The following PSEN1 variants were observed in gnomAD, a reference collection of about 807,000 sequenced individuals.
PSEN1 encodes presenilin 1.
In PSEN1, 15 loss-of-function variants were observed where a neutral mutation model predicts 53.5. The ratio of observed to expected loss-of-function variants is 0.28; its 90% CI spans 0.19 to 0.43. PSEN1 has a LOEUF of 0.43. Among genes scored for constraint, PSEN1 ranks in the 20% least tolerant of loss-of-function variants. The pLI is 1.00. For synonymous variants in PSEN1, 208 were observed against 209.8 expected, an observed-to-expected ratio of 0.99 and a Z score of 0.08; for missense variants, 387 against 571.2, an observed-to-expected ratio of 0.68 and a Z score of 3.29.
intron 5 of PSEN1, among the ~76,000 whole-genome samples, chr14:73,185,425 G>A (rs548150697): frequency 4.6e-5 from 7 of 152,224 alleles, no homozygotes; most frequent in Non-Finnish European, 1.0e-4. Flanking sequence ...CCAACACAGC[G>A]AAACCCCGTC....
At chr14:73,199,256 T>C (rs1026680852) in intron 8 of PSEN1, among the ~76,000 whole-genome samples, 1 of 151,822 alleles carries the variant, frequency 6.6e-6, no homozygotes, top group African/African-American at 2.4e-5. Context: ...TAGCAGAGAG[T>C]TGGTAGTTAA....
At chr14:73,175,480 A>G (rs1453369130) in intron 5 of PSEN1, among the ~76,000 whole-genome samples, 1 of 148,452 alleles carries the variant, frequency 6.7e-6, no homozygotes, top group East Asian at 1.9e-4. Flanking sequence ...ATCTCTACCA[A>G]AAAAAAAAAA....
intron 3 of PSEN1, among the ~76,000 whole-genome samples, chr14:73,150,044 G>T (rs775130003): frequency 6.6e-6 from 1 of 152,054 alleles, no homozygotes; most frequent in African/African-American, 2.4e-5. Context: ...AGTTGTGTTT[G>T]TTTTTTTAGC....
chr14:73,208,841 G>A (rs1899560183), intron 9 of PSEN1: 2 of 454,878 alleles, frequency 4.4e-6, no homozygotes, highest in African/African-American at 2.0e-5. Context: ...TCTGCCTCCT[G>A]CTGCCATCAA....
intron 9 of PSEN1, among the ~76,000 whole-genome samples, chr14:73,209,989 ACTC>A (rs949261258): frequency 6.6e-6 from 1 of 151,720 alleles, no homozygotes; most frequent in Non-Finnish European, 1.5e-5. Context: ...ATAATCAAAA[ACTC>A]CTCCATCCTA....
intron 3 of PSEN1, among the ~76,000 whole-genome samples, chr14:73,166,560 T>A (rs1446508667): frequency 6.6e-6 from 1 of 152,246 alleles, no homozygotes; most frequent in Non-Finnish European, 1.5e-5. Context: ...AATCAAGTTG[T>A]TCAGACTTGT....
intron 5 of PSEN1, among the ~76,000 whole-genome samples, chr14:73,184,426 G>A (rs1462671351): frequency 1.9e-5 from 2 of 107,954 alleles, no homozygotes; most frequent in African/African-American, 6.6e-5. Flanking sequence ...CGGGGCGGCT[G>A]GCCTGGCAGA....
intron 8 of PSEN1, among the ~76,000 whole-genome samples, chr14:73,202,439 TATATATATATATATATATATA>T (rs1201869021): frequency 1.3e-3 from 22 of 17,394 alleles, no homozygotes; most frequent in Non-Finnish European, 1.8e-3. Context: ...TATATATATA[TATATATATATATATATATATA>T]TATTTTTTTT....
At chr14:73,184,926 C>CG in intron 5 of PSEN1, among the ~76,000 whole-genome samples, 1 of 138,796 alleles carries the variant, frequency 7.2e-6, no homozygotes, top group Admixed American at 7.1e-5. Context: ...ACCTCCCAGA[C>CG]GGGGTCGCGG....
At chr14:73,183,108 G>T (rs1412912956) in intron 5 of PSEN1, among the ~76,000 whole-genome samples, 1 of 151,950 alleles carries the variant, frequency 6.6e-6, no homozygotes, top group Non-Finnish European at 1.5e-5. Flanking sequence ...ATGTACAGAT[G>T]TTCTCAGCTT....
Position 73,173,706 on chromosome 14 carries a change from A to T in PSEN1, c.479A>T (p.Lys160Met). Residue 160 changes from lysine to methionine, a missense_variant and splice_region_variant, in exon 5 of 12, where the codon AAG becomes ATG. Physicochemically the swap from Lys to Met is moderately conservative, Grantham distance 95. This residue lies in a region of PSEN1 where 169 missense variants were observed against 299.7 expected (regional missense o/e 0.56). Transcript: ENST00000324501. ...GTTCTGTATAAATACAGGTGCTATA[A>T]GGTGAGCATGAGACACAGATCTTTG... is the stretch of plus-strand genomic sequence containing the variant. ...LVVLYKYRCYKVIHAWLIISS... is the reference protein window; with the variant it reads ...LVVLYKYRCYMVIHAWLIISS... The T allele has an allele frequency of 3.7e-6, 6 of 1,614,144 alleles. No individual in the cohort carries two copies. Among genetic ancestry groups the T allele is most frequent in the Non-Finnish European group, 5.1e-6 (6 of 1,179,952 alleles).
chr14:73,180,584 A>G lies in PSEN1; in HGVS notation c.481-6269A>G, dbSNP rs576468207. Among the ~76,000 whole-genome samples, 6 of 152,378 alleles carry G rather than the reference A, an allele frequency of 3.9e-5. No individual in the cohort carries two copies. In the East Asian group the frequency reaches 1.2e-3, roughly 29 times the overall value. On this transcript the variant is annotated intron_variant, in intron 5 of 11. Coordinates refer to ENST00000324501, the MANE Select transcript of PSEN1 (RefSeq NM_000021.4). ...AAAAGACCAAACCTTAAAATGTTAA[A>G]AACAGGAAAGGCAGTTAATTATTAT... is the stretch of plus-strand genomic sequence containing the variant.
At position 73,170,837 on chromosome 14, in the gene PSEN1, G is replaced by C; in HGVS notation, c.128G>C (p.Ser43Thr). ...CGGCAGGAGCACAACGACAGACGGA[G>C]CCTTGGCCACCCTGAGCCATTATCT... ...RERQEHNDRR[S>T]LGHPEPLSNG... is the part of the protein sequence containing the mutation. The change falls in exon 4 of 12, where the codon AGC becomes ACC. Residue 43 changes from serine (S) to threonine (T), a missense_variant. Ser to Thr is a moderately conservative substitution (Grantham distance 58). Transcript: ENST00000324501. 1 of 1,614,076 alleles carries C rather than the reference G, an allele frequency of 6.2e-7. No individual in the cohort carries two copies. The highest frequency in any genetic ancestry group is 8.5e-7 in the Non-Finnish European group (1 of 1,179,922).
At chr14:73,173,840 C>A in intron 5 of PSEN1, 133 bp downstream of exon 5, 1 of 1,106,724 alleles carries the variant, frequency 9.0e-7, no homozygotes, top group Non-Finnish European at 1.4e-6. Flanking sequence ...TTTTAGTTTT[C>A]TTCCTCCTCA....
At chr14:73,203,577 C>G (rs362369) in intron 8 of PSEN1, among the ~76,000 whole-genome samples, 1 of 152,076 alleles carries the variant, frequency 6.6e-6, no homozygotes, top group African/African-American at 2.4e-5. Context: ...ATAAATAATT[C>G]TTTCATGCAT....
chr14:73,201,536 G>A (rs750657232), intron 8 of PSEN1, among the ~76,000 whole-genome samples: 5 of 152,204 alleles, frequency 3.3e-5, no homozygotes, highest in Non-Finnish European at 5.9e-5. Flanking sequence ...GGGAAGGTGC[G>A]TATGTGTGCA....
intron 8 of PSEN1, among the ~76,000 whole-genome samples, chr14:73,200,087 A>ATG (rs1397087194): frequency 6.6e-6 from 1 of 152,118 alleles, no homozygotes; most frequent in African/African-American, 2.4e-5. Flanking sequence ...GCATACATGC[A>ATG]TGTGTGTGTG....
At chr14:73,165,831 G>A (rs567940282) in intron 3 of PSEN1, among the ~76,000 whole-genome samples, 22 of 152,028 alleles carry the variant, frequency 1.4e-4, no homozygotes, top group African/African-American at 5.3e-4. Context: ...GCCAAGGTGG[G>A]CGGATCATGA....
chr14:73,150,822 C>T (rs1897198808), intron 3 of PSEN1, among the ~76,000 whole-genome samples: 1 of 139,096 alleles, frequency 7.2e-6, no homozygotes, highest in African/African-American at 2.7e-5. Flanking sequence ...GTAATCCCAA[C>T]ACTTTGGGAG....
Sources: gnomAD v4.1 joint callset for allele counts (sites outside exome capture counted in the v4.1 genomes callset) on GRCh38, gnomAD v4.1.1 for gene constraint, gnomAD v4.1.1 regional missense constraint, MANE v1.5 for transcripts, NCBI Gene and HGNC (gene_info 2026-07-23, HGNC 2026-07-21) for gene names.